Variants in TRAPPC6B observed in about 807,000 individuals in gnomAD.
TRAPPC6B encodes trafficking protein particle complex subunit 6B, also known as TRAPP complex subunit 6B.
TRAPPC6B carries 27 observed loss-of-function variants against 24.7 expected under a neutral mutation model. That is an observed-to-expected ratio of 1.09 (90% CI 0.81 to 1.51). The LOEUF is 1.51. Ranked by LOEUF, TRAPPC6B falls within the 40% of genes most tolerant of loss-of-function variation. The pLI is 0.00. For synonymous variants in TRAPPC6B, 80 were observed against 66.6 expected (o/e 1.20, Z -0.98); for missense variants, 212 against 190.8 (o/e 1.11, Z -0.66).
Position 39,170,273 on chromosome 14 carries a change from T to C in TRAPPC6B, c.-178A>G, listed in dbSNP as rs2053155530. On this transcript the variant is annotated 5_prime_UTR_variant, in exon 1 of 6. Coordinates refer to ENST00000330149, the MANE Select transcript of TRAPPC6B (RefSeq NM_001079537.2). ...TCCCAAAGGCTGGTACTGAAATGAG[T>C]CTGGTACTGGAGAGAGCCCACACTT... 2 of 616,272 alleles carry C rather than the reference T, an allele frequency of 3.2e-6. 1 individual carries two copies. The highest frequency in any genetic ancestry group is 3.9e-5 in the South Asian group (2 of 51,396). The allele number at this position is 616,272 out of a possible 1,614,324, so 38.2% of individuals were successfully genotyped here. A position where few individuals can be genotyped will look rare whatever the true frequency, so the allele number is the denominator to read the frequency against.
chr14:39,148,464 A>G lies in TRAPPC6B; in HGVS notation c.*1886T>C, dbSNP rs2052879859. On this transcript the variant is annotated 3_prime_UTR_variant, in exon 6 of 6. Transcript: ENST00000330149. ...TAGGCCAAAAAAAAAGAAAAAAAAAATGGGGCTTTGTCAGCAAGGAAGGGA... is the reference window on the plus strand; with the variant it reads ...TAGGCCAAAAAAAAAGAAAAAAAAAGTGGGGCTTTGTCAGCAAGGAAGGGA... 1 of 386,470 alleles carries G rather than the reference A, an allele frequency of 2.6e-6. No homozygotes were observed. The highest frequency in any genetic ancestry group is 4.6e-6 in the Non-Finnish European group (1 of 218,806). 23.9% of individuals were successfully genotyped at this position (386,470 alleles called of 1,614,324 possible).
intron 1 of TRAPPC6B, among the ~76,000 whole-genome samples, chr14:39,163,363 T>C (rs1307214456): frequency 2.8e-5 from 4 of 140,964 alleles, no homozygotes; most frequent in African/African-American, 1.1e-4. Flanking sequence ...AGGGCGAGAC[T>C]TCATCACCAG....
At chr14:39,164,078 T>TGGATGA (rs2053084086) in intron 1 of TRAPPC6B, among the ~76,000 whole-genome samples, 1 of 143,590 alleles carries the variant, frequency 7.0e-6, no homozygotes, top group African/African-American at 3.0e-5. Flanking sequence ...TAAAGCCTTA[T>TGGATGA]CATTTCTCTC....
At chr14:39,169,139 G>C (rs1566553036) in intron 1 of TRAPPC6B, among the ~76,000 whole-genome samples, 1 of 152,100 alleles carries the variant, frequency 6.6e-6, no homozygotes, top group Non-Finnish European at 1.5e-5. Flanking sequence ...TTAAAGAAAG[G>C]GCTCCTGACT....
chr14:39,162,971 T>C (rs1334853775), intron 1 of TRAPPC6B, among the ~76,000 whole-genome samples: 1 of 150,898 alleles, frequency 6.6e-6, no homozygotes, highest in Non-Finnish European at 1.5e-5. Context: ...ACCAACTCCC[T>C]CACTTCCTTT....
intron 1 of TRAPPC6B, among the ~76,000 whole-genome samples, chr14:39,165,439 A>G (rs1038743728): frequency 2.0e-5 from 3 of 152,098 alleles, no homozygotes; most frequent in African/African-American, 4.8e-5. Context: ...TTCTGTACAT[A>G]CATCTATTAC....
At chr14:39,168,473 C>T (rs940042133) in intron 1 of TRAPPC6B, among the ~76,000 whole-genome samples, 2 of 152,060 alleles carry the variant, frequency 1.3e-5, no homozygotes, top group South Asian at 2.1e-4. Context: ...GAATAGAATT[C>T]GCTTCATTTC....
rs1465571852 is a variant in TRAPPC6B at position 39,154,343 on chromosome 14, CTTAAAA to C, written c.268-55_268-50del. 2.8e-6 allele frequency: 3 copies of C among 1,077,532 alleles called. No individual in the cohort carries two copies. The African/African-American group carries it at 4.7e-5, about 17-fold the overall frequency. The allele number at this position is 1,077,532 out of a possible 1,614,324, so 66.7% of individuals were successfully genotyped here. ...TCCAAAGTCAATGTACCTAGCAGTC[CTTAAAA>C]TTATTTTATTCTTATGAAACAATTT... On this transcript the variant is annotated intron_variant, in intron 3 of 5. Transcript: ENST00000330149.
intron 1 of TRAPPC6B, among the ~76,000 whole-genome samples, chr14:39,160,799 G>A (rs947872553): frequency 6.6e-6 from 1 of 152,140 alleles, no homozygotes; most frequent in African/African-American, 2.4e-5. Context: ...CAGAATATTA[G>A]TAACAGCCGA....
At chr14:39,152,392 G>A (rs774250776) in intron 4 of TRAPPC6B, among the ~76,000 whole-genome samples, 19 of 152,120 alleles carry the variant, frequency 1.2e-4, no homozygotes, top group Admixed American at 3.3e-4. Context: ...CAGTTTGGAC[G>A]TTGAGAAACC....
intron 1 of TRAPPC6B, among the ~76,000 whole-genome samples, chr14:39,167,274 G>A (rs536569054): frequency 6.6e-6 from 1 of 152,260 alleles, no homozygotes; most frequent in African/African-American, 2.4e-5. Flanking sequence ...TTTAAGCATA[G>A]TTTGAAAAAC....
rs971122226 is a variant in TRAPPC6B at position 39,163,143 on chromosome 14, G to A, written c.82-3593C>T. The stretch of plus-strand genomic sequence containing the variant: ...ATCCCAGCATTTGGAAGGCTGAGGT[G>A]GGCGGATCACGAAGTCAGGAGATCG... On this transcript the variant is annotated intron_variant, in intron 1 of 5. Coordinates refer to ENST00000330149, the MANE Select transcript of TRAPPC6B (RefSeq NM_001079537.2). Among the ~76,000 whole-genome samples the A allele has an allele frequency of 3.3e-5, 5 of 150,330 alleles. 1 individual carries two copies. Among genetic ancestry groups the A allele is most frequent in the African/African-American group, 7.5e-5 (3 of 39,814 alleles).
At chr14:39,159,743 C>CT (rs76405968) in intron 1 of TRAPPC6B, among the ~76,000 whole-genome samples, 193 bp from the exon 2 acceptor site, 4 of 151,338 alleles carry the variant, frequency 2.6e-5, no homozygotes, top group East Asian at 1.9e-4. Context: ...TTACTTTTTA[C>CT]TTTTTTTTTG....
chr14:39,165,898 G>C (rs974759800), intron 1 of TRAPPC6B, among the ~76,000 whole-genome samples: 7 of 152,186 alleles, frequency 4.6e-5, no homozygotes, highest in Non-Finnish European at 1.0e-4. Context: ...CCGCCTCCTG[G>C]GTTCAAGTGA....
intron 1 of TRAPPC6B, among the ~76,000 whole-genome samples, chr14:39,160,305 C>G (rs1245380265): frequency 6.6e-6 from 1 of 150,782 alleles, no homozygotes; most frequent in Non-Finnish European, 1.5e-5. Flanking sequence ...CCTCAAGACA[C>G]GGTGGCTCAT....
chr14:39,150,910 C>T (rs2052903871), intron 5 of TRAPPC6B, among the ~76,000 whole-genome samples: 1 of 152,128 alleles, frequency 6.6e-6, no homozygotes, highest in South Asian at 2.1e-4. Flanking sequence ...ATGAATCCTA[C>T]ATTTGGGTAC....
intron 2 of TRAPPC6B, chr14:39,159,221 G>C: frequency 5.0e-6 from 1 of 199,804 alleles, no homozygotes; most frequent in Non-Finnish European, 9.9e-6. Flanking sequence ...TGCTTCAATA[G>C]CTTCAGGAAT....
chr14:39,148,671 T>C lies in TRAPPC6B; in HGVS notation c.*1679A>G, dbSNP rs929823156. On this transcript the variant is annotated 3_prime_UTR_variant, in exon 6 of 6. Transcript: ENST00000330149. ...TCATTATGACTTTTAATAAACTTTA[T>C]ACATGTATATTTGGTAGGAACTTTC... is the stretch of plus-strand genomic sequence containing the variant. The C allele has an allele frequency of 4.8e-5, 19 of 398,536 alleles. No homozygotes were observed. The highest frequency in any genetic ancestry group is 2.5e-4 in the African/African-American group (12 of 48,752). The allele number at this position is 398,536 out of a possible 1,614,324, so 24.7% of individuals were successfully genotyped here.
At chr14:39,157,956 A>C in intron 3 of TRAPPC6B, 1 of 195,006 alleles carries the variant, frequency 5.1e-6, no homozygotes. Context: ...TAAAGGTGAT[A>C]TATTTGTGGT....
Sources: gnomAD v4.1 joint callset for allele counts (sites outside exome capture counted in the v4.1 genomes callset) on GRCh38, gnomAD v4.1.1 for gene constraint, MANE v1.5 for transcripts, NCBI Gene and HGNC (gene_info 2026-07-23, HGNC 2026-07-21) for gene names.